ME3: variants seen among roughly 807,000 people sequenced by gnomAD.
ME3 encodes malic enzyme 3, also known as NADP-dependent malic enzyme, mitochondrial.
ME3 carries 48 observed loss-of-function variants against 68.9 expected under a neutral mutation model. The observed-to-expected ratio is 0.70, with a 90% CI of 0.55 to 0.89. ME3 has a LOEUF of 0.89. Among genes scored for constraint, ME3 ranks in the 40% least tolerant of loss-of-function variants. ME3 has a pLI of 0.00. For synonymous variants in ME3, 320 were observed against 318.8 expected, an observed-to-expected ratio of 1.00 and a Z score of -0.04; for missense variants, 675 against 797.4, an observed-to-expected ratio of 0.85 and a Z score of 1.85.
chr11:86,465,317 C>T, intron 7 of ME3, 117 bp from the exon 8 acceptor site: 1 of 756,520 alleles, frequency 1.3e-6, no homozygotes, highest in East Asian at 2.6e-5. Context: ...GGTGGCATGG[C>T]TCCTTCATCT....
intron 4 of ME3, among the ~76,000 whole-genome samples, chr11:86,529,357 A>T (rs2139253052): frequency 6.6e-6 from 1 of 152,344 alleles, no homozygotes; most frequent in Admixed American, 6.5e-5. Flanking sequence ...AAATTGAGGC[A>T]ATAATTAATA....
At chr11:86,530,227 A>C (rs1347869414) in intron 4 of ME3, among the ~76,000 whole-genome samples, 2 of 152,208 alleles carry the variant, frequency 1.3e-5, no homozygotes, top group Admixed American at 6.5e-5. Context: ...GAGCCAAATC[A>C]TGAGTGAACT....
At chr11:86,670,604 GTTGA>G (rs1393316107) in intron 2 of ME3, among the ~76,000 whole-genome samples, 1 of 152,132 alleles carries the variant, frequency 6.6e-6, no homozygotes, top group Non-Finnish European at 1.5e-5. Flanking sequence ...TGTGATAGAG[GTTGA>G]TTTTGATTTT....
chr11:86,535,405 G>A (rs1955584833), intron 4 of ME3, among the ~76,000 whole-genome samples: 1 of 152,168 alleles, frequency 6.6e-6, no homozygotes, highest in Non-Finnish European at 1.5e-5. Flanking sequence ...CCTCATTTGT[G>A]ATGAGGACTG....
At chr11:86,663,256 C>G (rs1946393656) in intron 2 of ME3, among the ~76,000 whole-genome samples, 1 of 152,192 alleles carries the variant, frequency 6.6e-6, no homozygotes, top group Non-Finnish European at 1.5e-5. Context: ...TTGGCTTTCT[C>G]TCATTCAAGT....
chr11:86,479,150 G>A (rs192844681), intron 7 of ME3, among the ~76,000 whole-genome samples: 539 of 152,300 alleles, frequency 3.5e-3, no homozygotes, highest in Middle Eastern at 0.014. Context: ...CAGAGGAAGG[G>A]TGAATTCGTT....
intron 6 of ME3, among the ~76,000 whole-genome samples, chr11:86,496,511 C>G (rs1322939415): frequency 6.6e-6 from 1 of 152,188 alleles, no homozygotes. Context: ...AGAGAAATCA[C>G]TGCAGAATGC....
intron 4 of ME3, among the ~76,000 whole-genome samples, chr11:86,523,764 C>A (rs1954511111): frequency 6.6e-6 from 1 of 152,000 alleles, no homozygotes; most frequent in Non-Finnish European, 1.5e-5. Flanking sequence ...ACCTCCATCA[C>A]ATCATTAGCT....
At chr11:86,446,634 G>A in intron 12 of ME3, 147 bp from the exon 13 acceptor site, 1 of 788,352 alleles carries the variant, frequency 1.3e-6, no homozygotes, top group South Asian at 1.8e-5. Context: ...GGTATTTAAA[G>A]CACATTTGTC....
intron 7 of ME3, among the ~76,000 whole-genome samples, chr11:86,480,669 G>A (rs770913974): frequency 7.2e-5 from 11 of 152,184 alleles, no homozygotes; most frequent in African/African-American, 1.4e-4. Context: ...CTTTGGGGCC[G>A]AGGTACCCAG....
At chr11:86,537,574 A>G (rs1955762825) in intron 4 of ME3, among the ~76,000 whole-genome samples, 1 of 152,192 alleles carries the variant, frequency 6.6e-6, no homozygotes, top group African/African-American at 2.4e-5. Context: ...TGAACCTCTC[A>G]GTGTATGCTA....
intron 2 of ME3, among the ~76,000 whole-genome samples, chr11:86,620,143 C>A (rs541909776): frequency 5.9e-5 from 9 of 152,302 alleles, no homozygotes; most frequent in Non-Finnish European, 1.3e-4. Context: ...GTGCCTGGCA[C>A]GTACTAGATG....
chr11:86,618,898 C>T (rs1430557606), intron 2 of ME3, among the ~76,000 whole-genome samples: 8 of 151,856 alleles, frequency 5.3e-5, no homozygotes, highest in South Asian at 2.1e-4. Context: ...TTTTAGTAGA[C>T]GGGGGTTTCA....
At chr11:86,573,739 C>T (rs1026558668) in intron 2 of ME3, among the ~76,000 whole-genome samples, 4 of 152,124 alleles carry the variant, frequency 2.6e-5, no homozygotes, top group Non-Finnish European at 5.9e-5. Flanking sequence ...CCAGCTTTTG[C>T]CCATTCAGTA....
chr11:86,555,955 A>C (rs1319095058), intron 4 of ME3, among the ~76,000 whole-genome samples: 1 of 152,152 alleles, frequency 6.6e-6, no homozygotes, highest in Non-Finnish European at 1.5e-5. Flanking sequence ...CAAGGACTCT[A>C]CCATTTTTTC....
At chr11:86,586,151 C>A (rs1353436003) in intron 2 of ME3, among the ~76,000 whole-genome samples, 2 of 152,126 alleles carry the variant, frequency 1.3e-5, no homozygotes, top group African/African-American at 4.8e-5. Context: ...GATATTTGAG[C>A]ATGTTTAAAT....
At chr11:86,655,810 C>A (rs1034682858) in intron 2 of ME3, among the ~76,000 whole-genome samples, 24 of 151,892 alleles carry the variant, frequency 1.6e-4, no homozygotes, top group Admixed American at 2.6e-4. Flanking sequence ...AGTGAACAGG[C>A]AACCTACAAA....
chr11:86,489,770 A>G (rs1362460362), intron 6 of ME3, among the ~76,000 whole-genome samples: 2 of 152,084 alleles, frequency 1.3e-5, no homozygotes, highest in Non-Finnish European at 2.9e-5. Flanking sequence ...TCTGACCTGT[A>G]CTAGAGTTTG....
At position 86,532,002 on chromosome 11, in the gene ME3, C is replaced by A. The variant is rs539721811; in HGVS notation, c.468-23135G>T. 2.7e-4 allele frequency among the ~76,000 whole-genome samples: 40 copies of A among 148,946 alleles called. No homozygotes were observed. The Middle Eastern group carries it at 0.01, about 39-fold the overall frequency. ...TAAAAAAAACCAAACCAAAAAAAAA[C>A]CAGAAACTGAAAGTGGAGGGATGGA... is the stretch of plus-strand genomic sequence containing the variant. On this transcript the variant is annotated intron_variant, in intron 4 of 14. Coordinates refer to ENST00000543262, the Ensembl canonical transcript of ME3.
Sources: gnomAD v4.1 joint callset for allele counts (sites outside exome capture counted in the v4.1 genomes callset) on GRCh38, gnomAD v4.1.1 for gene constraint, MANE v1.5 for transcripts, NCBI Gene and HGNC (gene_info 2026-07-23, HGNC 2026-07-21) for gene names.